Variants in RIN3 observed in about 807,000 individuals in gnomAD.
RIN3 encodes RAB5 interacting protein 3.
RIN3 carries 54 observed loss-of-function variants against 76.3 expected under a neutral mutation model. The ratio of observed to expected loss-of-function variants is 0.71; its 90% CI spans 0.57 to 0.89. The LOEUF is 0.89. RIN3 is among the 40% of genes least tolerant of loss of function. The pLI, the probability that RIN3 is intolerant of heterozygous loss-of-function variation, is 0.00. For missense variants in RIN3, 1,256 were observed against 1,322.1 expected (o/e 0.95, Z 0.78); for synonymous variants, 576 against 564.0 (o/e 1.02, Z -0.30).
At chr14:92,602,141 G>A (rs781354861) in intron 3 of RIN3, among the ~76,000 whole-genome samples, 2 of 152,198 alleles carry the variant, frequency 1.3e-5, no homozygotes, top group African/African-American at 2.4e-5. Flanking sequence ...GAAAAGAAAT[G>A]AGGTCTGGGC....
In RIN3 at chr14:92,643,394, C is replaced by A. The variant is rs1184656611; in HGVS notation, c.532+2065C>A. 6.6e-6 allele frequency among the ~76,000 whole-genome samples: 1 copy of A among 152,128 alleles called. No individual in the cohort carries two copies. Among genetic ancestry groups the A allele is most frequent in the Non-Finnish European group, 1.5e-5 (1 of 68,016 alleles). On this transcript the variant is annotated intron_variant, in intron 5 of 9. Coordinates refer to ENST00000216487, the MANE Select transcript of RIN3 (RefSeq NM_024832.5). The surrounding 1 kb of genome is among the most constrained non-coding windows in gnomAD (Gnocchi z 4.8). ...CCAAATTCTTCTAGGTCTAATTTACCCAGTTATAACCCTAAGGGCAAGTTT... is the reference window on the plus strand; with the variant it reads ...CCAAATTCTTCTAGGTCTAATTTACACAGTTATAACCCTAAGGGCAAGTTT...
At position 92,641,192 on chromosome 14, in the gene RIN3, G is replaced by A. The variant is rs779904718; in HGVS notation, c.441-46G>A. On this transcript the variant is annotated intron_variant, in intron 4 of 9. Transcript: ENST00000216487. ...TCTTCCTTTGTGGAGGCTGGGAATGGACACGGTGGACCCAGACATGACTTC... is the reference window on the plus strand; with the variant it reads ...TCTTCCTTTGTGGAGGCTGGGAATGAACACGGTGGACCCAGACATGACTTC... The A allele has an allele frequency of 7.0e-6, 10 of 1,430,370 alleles. No homozygotes were observed. The South Asian group carries it at 1.1e-4, about 16-fold the overall frequency. The allele number at this position is 1,430,370 out of a possible 1,614,324, so 88.6% of individuals were successfully genotyped here.
Position 92,559,447 on chromosome 14 carries a change from TTC to T in RIN3, c.249+3494_249+3495del, listed in dbSNP as rs1897699278. Among the ~76,000 whole-genome samples the T allele has an allele frequency of 1.1e-4, 17 of 152,290 alleles. 1 individual carries two copies. In the South Asian group the frequency reaches 3.5e-3, roughly 32 times the overall value. On this transcript the variant is annotated intron_variant, in intron 2 of 9. Coordinates refer to ENST00000216487, the MANE Select transcript of RIN3 (RefSeq NM_024832.5). ...TAGCAGGAGAGACATAAAAGTAATT[TTC>T]TGAGATCAACCAGTGCTGGATGGGT...
intron 1 of RIN3, among the ~76,000 whole-genome samples, chr14:92,526,778 C>T (rs1435965061): frequency 6.6e-6 from 1 of 152,168 alleles, no homozygotes; most frequent in East Asian, 1.9e-4. Flanking sequence ...TGAGCTGTGT[C>T]TCAGTGTCCT....
At chr14:92,637,518 A>C (rs533267634) in intron 4 of RIN3, among the ~76,000 whole-genome samples, 1 of 152,310 alleles carries the variant, frequency 6.6e-6, no homozygotes, top group South Asian at 2.1e-4. Flanking sequence ...TTTGTAGCCC[A>C]GGGGTTGGGG....
chr14:92,667,462 A>G (rs919625149), intron 7 of RIN3, among the ~76,000 whole-genome samples: 3 of 152,046 alleles, frequency 2.0e-5, no homozygotes, highest in African/African-American at 4.8e-5. Flanking sequence ...GGTTGCAGTG[A>G]GCCAAGATCA....
chr14:92,521,515 C>T (rs1595385717), intron 1 of RIN3, among the ~76,000 whole-genome samples: 1 of 152,128 alleles, frequency 6.6e-6, no homozygotes, highest in South Asian at 2.1e-4. Flanking sequence ...AGTGAGTTCT[C>T]AGTTCACATG....
At chr14:92,571,745 G>A (rs1025597297) in intron 2 of RIN3, among the ~76,000 whole-genome samples, 21 of 152,294 alleles carry the variant, frequency 1.4e-4, no homozygotes, top group Middle Eastern at 3.4e-3. Flanking sequence ...TAATCCGATA[G>A]GACAACTCAA....
At chr14:92,558,455 C>T (rs1233164734) in intron 2 of RIN3, among the ~76,000 whole-genome samples, 2 of 152,222 alleles carry the variant, frequency 1.3e-5, no homozygotes, top group African/African-American at 4.8e-5. Context: ...CAGATATCAT[C>T]TTGCAATCAT....
Position 92,555,820 on chromosome 14 carries a change from C to G in RIN3, c.114C>G (p.Ala38=). The G allele has an allele frequency of 6.2e-7, 1 of 1,614,102 alleles. No homozygotes were observed. The highest frequency in any genetic ancestry group is 1.7e-4 in the Middle Eastern group (1 of 6,058). ...EEDGMRLCLP[A]NPKNCLPHRR... ...ATGGCATGCGGCTTTGTCTGCCAGC[C>G]AACCCGAAAAACTGCCTTCCTCACC... Residue 38 remains alanine (A), a synonymous_variant, in exon 2 of 10, where the codon GCC becomes GCG. Transcript: ENST00000216487.
At chr14:92,593,861 CA>C (rs1195912567) in intron 3 of RIN3, among the ~76,000 whole-genome samples, 1 of 152,068 alleles carries the variant, frequency 6.6e-6, no homozygotes, top group African/African-American at 2.4e-5. Flanking sequence ...ATACTTAAGG[CA>C]AAAGCTGATG....
chr14:92,606,879 A>G (rs144005969), intron 3 of RIN3, among the ~76,000 whole-genome samples: 70 of 151,940 alleles, frequency 4.6e-4, no homozygotes, highest in East Asian at 4.5e-3. Flanking sequence ...TGACTGAGCA[A>G]TTCCACTTCT....
chr14:92,629,878 CT>C (rs1886505940), intron 4 of RIN3, among the ~76,000 whole-genome samples: 1 of 152,246 alleles, frequency 6.6e-6, no homozygotes, highest in African/African-American at 2.4e-5. Context: ...CTCCAGAGGC[CT>C]CACTGTGTGC....
chr14:92,652,636 C>T lies in RIN3; in HGVS notation c.1587C>T (p.Gly529=), dbSNP rs771793828. The stretch of plus-strand genomic sequence containing the variant: ...CCCAGAGCTCTCCAGAGTTCAAGGG[C>T]TCCCTGGCCTCCCTCTCAGACAGCT... ...AHSQSSPEFK[G]SLASLSDSLG... is the part of the protein sequence containing the mutation. The change falls in exon 6 of 10, where the codon GGC becomes GGT. Residue 529 remains glycine, a synonymous_variant. Transcript: ENST00000216487. This position sits in a 1 kb window ranked among gnomAD's most constrained non-coding sequence, Gnocchi z 6.4. 13 of 1,611,204 alleles carry T rather than the reference C, an allele frequency of 8.1e-6. No homozygotes were observed. The highest frequency in any genetic ancestry group is 3.3e-5 in the Admixed American group (2 of 59,998).
chr14:92,670,410 CAGG>C (rs1268440303), intron 7 of RIN3, among the ~76,000 whole-genome samples: 3 of 152,200 alleles, frequency 2.0e-5, no homozygotes, highest in Non-Finnish European at 4.4e-5. Flanking sequence ...GTTCAGCTCA[CAGG>C]AGAAGTATTT....
At chr14:92,549,492 C>A (rs1481706823) in intron 1 of RIN3, among the ~76,000 whole-genome samples, 2 of 152,256 alleles carry the variant, frequency 1.3e-5, no homozygotes, top group African/African-American at 4.8e-5. Flanking sequence ...GCTCACCACT[C>A]TGTCCCCACA....
At chr14:92,586,219 A>C (rs1167169139) in intron 3 of RIN3, among the ~76,000 whole-genome samples, 2 of 152,224 alleles carry the variant, frequency 1.3e-5, no homozygotes, top group African/African-American at 4.8e-5. Context: ...GGGGACATTT[A>C]TGGGAAAAAG....
At chr14:92,593,752 GAGTAA>G in intron 3 of RIN3, among the ~76,000 whole-genome samples, 1 of 152,326 alleles carries the variant, frequency 6.6e-6, no homozygotes, top group Non-Finnish European at 1.5e-5. Flanking sequence ...ACTTCAGACT[GAGTAA>G]AGTAAGGGAT....
At position 92,651,947 on chromosome 14, in the gene RIN3, C is replaced by T. The variant is rs1225119176; in HGVS notation, c.898C>T (p.Leu300Phe). Residue 300 changes from leucine to phenylalanine, a missense_variant, in exon 6 of 10, where the codon CTC (leucine) becomes TTC (phenylalanine). Physicochemically the swap from Leu to Phe is conservative, Grantham distance 22. Transcript: ENST00000216487. ...CTGCAGCCCAGCCCAGCCCCCTGTG[C>T]TCCCTGCTCTTGCCCCCGCCCCTGC... Reference protein sequence around the residue: ...QPCSPAQPPVLPALAPAPACP... With the variant: ...QPCSPAQPPVFPALAPAPACP... The T allele has an allele frequency of 1.0e-5, 13 of 1,299,474 alleles. No individual in the cohort carries two copies. The highest frequency in any genetic ancestry group is 1.3e-5 in the Non-Finnish European group (13 of 987,746). 80.5% of individuals were successfully genotyped at this position (1,299,474 alleles called of 1,614,324 possible).
Sources: allele counts gnomAD v4.1 joint callset (sites outside exome capture counted in the v4.1 genomes callset), GRCh38; gene constraint gnomAD v4.1.1; non-coding constraint Gnocchi (gnomAD v3.1); transcripts MANE v1.5; gene names NCBI Gene and HGNC (gene_info 2026-07-23, HGNC 2026-07-21).